DGKZ: variants seen among roughly 807,000 people sequenced by gnomAD.
DGKZ encodes DAG kinase zeta.
In DGKZ, 45 loss-of-function variants were observed where a neutral mutation model predicts 142.5. The ratio of observed to expected loss-of-function variants is 0.32; its 90% CI spans 0.25 to 0.40. The LOEUF is 0.40. DGKZ is among the 10% of genes least tolerant of loss of function. DGKZ has a pLI of 1.00. For missense variants in DGKZ, 755 were observed against 1,306.5 expected (o/e 0.58, Z 6.51); for synonymous variants, 442 against 527.0 (o/e 0.84, Z 2.21).
At chr11:46,366,217 G>A in intron 1 of DGKZ, 4 of 1,526,624 alleles carry the variant, frequency 2.6e-6, no homozygotes, top group Non-Finnish European at 3.5e-6. Flanking sequence ...TCCAGCTCCT[G>A]ATGCTCCCGG....
intron 1 of DGKZ, among the ~76,000 whole-genome samples, chr11:46,355,521 A>G (rs561619678): frequency 6.6e-6 from 1 of 152,314 alleles, no homozygotes; most frequent in African/African-American, 2.4e-5. Flanking sequence ...CATTAGCCCT[A>G]TTTATCAGAT....
At chr11:46,364,442 G>A in intron 1 of DGKZ, 1 of 1,283,264 alleles carries the variant, frequency 7.8e-7, no homozygotes. Context: ...CTGCTGTCCT[G>A]CCCCTGCAGC....
At chr11:46,334,830 A>G (rs1939935942) in intron 1 of DGKZ, among the ~76,000 whole-genome samples, 3 of 152,154 alleles carry the variant, frequency 2.0e-5, no homozygotes, top group Admixed American at 2.0e-4. Flanking sequence ...CTCACAGGGG[A>G]TGCAGCAAAG....
At chr11:46,353,342 C>T (rs1352050713) in intron 1 of DGKZ, among the ~76,000 whole-genome samples, 1 of 152,150 alleles carries the variant, frequency 6.6e-6, no homozygotes, top group African/African-American at 2.4e-5. Context: ...ACTGGGAAGA[C>T]CTAAGAAGAG....
chr11:46,378,917 T>C (rs1944882236), intron 27 of DGKZ, 74 bp from the exon 28 acceptor site: 31 of 1,492,480 alleles, frequency 2.1e-5, no homozygotes, highest in Non-Finnish European at 2.7e-5. Flanking sequence ...TACCCGGCTG[T>C]GGGCCAGCGT....
chr11:46,333,442 A>T, exon 1 of DGKZ: 1 of 1,534,430 alleles, frequency 6.5e-7, no homozygotes, highest in Non-Finnish European at 8.8e-7. Flanking sequence ...CCCCCGGTGG[A>T]GGAGCGTTTC....
At chr11:46,378,332 C>G in intron 26 of DGKZ, 103 bp downstream of exon 26, 2 of 1,540,146 alleles carry the variant, frequency 1.3e-6, no homozygotes, top group Non-Finnish European at 1.8e-6. Context: ...CAAACACAGC[C>G]TTTGAGCTTC....
chr11:46,354,815 A>C (rs1396727851), intron 1 of DGKZ, among the ~76,000 whole-genome samples: 2 of 152,244 alleles, frequency 1.3e-5, no homozygotes, highest in Non-Finnish European at 2.9e-5. Flanking sequence ...CATATTCTGC[A>C]TTTAGGTTTT....
intron 4 of DGKZ, chr11:46,368,569 G>T (rs72910088): frequency 2.5e-5 from 7 of 281,698 alleles, no homozygotes; most frequent in Non-Finnish European, 4.2e-5. Context: ...AGAAGGGTTC[G>T]CATGGAGGGG....
chr11:46,361,894 C>T (rs1192659231), intron 1 of DGKZ: 5 of 156,640 alleles, frequency 3.2e-5, no homozygotes, highest in African/African-American at 9.6e-5. Context: ...CCAGGGCAGA[C>T]CCTGCCGACT....
At chr11:46,358,308 T>C (rs1052273386) in intron 1 of DGKZ, among the ~76,000 whole-genome samples, 2 of 152,212 alleles carry the variant, frequency 1.3e-5, no homozygotes, top group African/African-American at 2.4e-5. Flanking sequence ...TTCTGATATT[T>C]TACATGAAGG....
chr11:46,360,702 T>G (rs1942546841), intron 1 of DGKZ, among the ~76,000 whole-genome samples: 1 of 151,778 alleles, frequency 6.6e-6, no homozygotes, highest in South Asian at 2.1e-4. Context: ...AGGAGAATCA[T>G]CTGAACCCGG....
chr11:46,363,588 C>G (rs965783382), intron 1 of DGKZ, among the ~76,000 whole-genome samples: 4 of 152,240 alleles, frequency 2.6e-5, no homozygotes, highest in Non-Finnish European at 5.9e-5. Flanking sequence ...GGGGTCCTGG[C>G]CCCTGTTGTC....
intron 1 of DGKZ, among the ~76,000 whole-genome samples, chr11:46,335,423 GCA>G (rs965993033): frequency 7.0e-6 from 1 of 143,722 alleles, no homozygotes; most frequent in Non-Finnish European, 1.5e-5. Flanking sequence ...TTGCACACGT[GCA>G]CGCACACACA....
At chr11:46,366,179 C>T (rs1943219321) in intron 1 of DGKZ, 2 of 1,436,960 alleles carry the variant, frequency 1.4e-6, no homozygotes, top group East Asian at 2.6e-5. Context: ...TGAATGGGCT[C>T]CCGGACACAG....
intron 6 of DGKZ, among the ~76,000 whole-genome samples, chr11:46,370,428 CT>C (rs1943815539): frequency 6.6e-6 from 1 of 152,346 alleles, no homozygotes; most frequent in South Asian, 2.1e-4. Context: ...GGTTCACTTT[CT>C]TGTTTGCTTC....
At chr11:46,345,428 G>A (rs1238109225), upstream of DGKZ, 6 of 1,452,678 alleles carry the variant, frequency 4.1e-6, no homozygotes, top group African/African-American at 1.5e-5. This position sits in a 1 kb window ranked among gnomAD's most constrained non-coding sequence, Gnocchi z 4.1. Context: ...ACCGGGGGCT[G>A]GCCACAGTGC....
chr11:46,366,127 AATGGG>A, intron 1 of DGKZ: 1 of 1,399,364 alleles, frequency 7.1e-7, no homozygotes, highest in Non-Finnish European at 9.2e-7. Context: ...AGAGGCTGTG[AATGGG>A]CTCCTGGTTG....
chr11:46,371,856 G>A, intron 9 of DGKZ, 81 bp downstream of exon 9: 1 of 1,497,880 alleles, frequency 6.7e-7, no homozygotes, highest in Non-Finnish European at 9.1e-7. Flanking sequence ...TCCACCCCCA[G>A]CTAATGCTGC....
Sources: gnomAD v4.1 joint callset for allele counts (sites outside exome capture counted in the v4.1 genomes callset) on GRCh38, gnomAD v4.1.1 for gene constraint, Gnocchi (gnomAD v3.1) non-coding constraint, MANE v1.5 for transcripts, NCBI Gene and HGNC (gene_info 2026-07-23, HGNC 2026-07-21) for gene names.